SLC25A21: variants seen among roughly 807,000 people sequenced by gnomAD.
SLC25A21 encodes the protein mitochondrial 2-oxodicarboxylate carrier.
In SLC25A21, 47 loss-of-function variants were observed where a neutral mutation model predicts 43.8. The observed-to-expected ratio is 1.07, with a 90% CI of 0.85 to 1.37. SLC25A21 has a LOEUF of 1.37. Among genes scored for constraint, SLC25A21 ranks in the 40% most tolerant of loss-of-function variants. SLC25A21 has a pLI of 0.00. For missense variants in SLC25A21, 352 were observed against 350.2 expected (o/e 1.00, Z -0.04); for synonymous variants, 131 against 121.3 (o/e 1.08, Z -0.52).
intron 1 of SLC25A21, among the ~76,000 whole-genome samples, chr14:36,979,251 A>G (rs1053254751): frequency 3.9e-5 from 6 of 152,144 alleles, no homozygotes; most frequent in Admixed American, 6.5e-5. Context: ...ATTGAAAAAC[A>G]AGTCAGTCAA....
At chr14:37,066,526 A>G (rs200543493) in intron 1 of SLC25A21, among the ~76,000 whole-genome samples, 28 of 152,156 alleles carry the variant, frequency 1.8e-4, no homozygotes, top group East Asian at 1.2e-3. Context: ...ATTAAAATTT[A>G]CCATGCAAAA....
intron 1 of SLC25A21, among the ~76,000 whole-genome samples, chr14:36,954,602 T>C (rs937039880): frequency 1.3e-5 from 2 of 152,158 alleles, no homozygotes; most frequent in Non-Finnish European, 2.9e-5. Context: ...AGTCCAGATC[T>C]ATTGTTCAGC....
At chr14:37,043,594 A>G (rs1235097489) in intron 1 of SLC25A21, among the ~76,000 whole-genome samples, 1 of 152,112 alleles carries the variant, frequency 6.6e-6, no homozygotes, top group Non-Finnish European at 1.5e-5. Flanking sequence ...ACCATCTTGC[A>G]GGAAGCTTGC....
intron 3 of SLC25A21, among the ~76,000 whole-genome samples, chr14:36,741,949 G>C (rs1885283452): frequency 6.6e-6 from 1 of 152,168 alleles, no homozygotes; most frequent in South Asian, 2.1e-4. Context: ...ATTCAGCTCT[G>C]TTCTGGGCAA....
chr14:36,972,227 A>T (rs1285895684), intron 1 of SLC25A21, among the ~76,000 whole-genome samples: 1 of 152,194 alleles, frequency 6.6e-6, no homozygotes, highest in Non-Finnish European at 1.5e-5. Flanking sequence ...GGTGTGTAGT[A>T]AACTATCCCA....
intron 1 of SLC25A21, among the ~76,000 whole-genome samples, chr14:36,971,790 G>A (rs76036926): frequency 6.6e-6 from 1 of 152,112 alleles, no homozygotes; most frequent in Non-Finnish European, 1.5e-5. Context: ...GCCCATTAAT[G>A]TAGAAGTGGT....
At chr14:37,121,693 C>G (rs1486753128) in intron 1 of SLC25A21, among the ~76,000 whole-genome samples, 1 of 151,898 alleles carries the variant, frequency 6.6e-6, no homozygotes, top group East Asian at 1.9e-4. Context: ...GAGGCTGAGG[C>G]AGGAAAAATT....
chr14:36,952,281 ATGAT>A, intron 1 of SLC25A21: 1 of 154,112 alleles, frequency 6.5e-6, no homozygotes, highest in Middle Eastern at 5.3e-4. Context: ...GAATAAATAA[ATGAT>A]TGTCTTCTTT....
At chr14:37,072,432 G>A (rs1962192726) in intron 1 of SLC25A21, among the ~76,000 whole-genome samples, 2 of 152,234 alleles carry the variant, frequency 1.3e-5, no homozygotes, top group East Asian at 1.9e-4. Flanking sequence ...CTTATGTGTG[G>A]GAAGGCTTCT....
At chr14:37,037,325 T>A (rs1409687649) in intron 1 of SLC25A21, among the ~76,000 whole-genome samples, 2 of 152,226 alleles carry the variant, frequency 1.3e-5, no homozygotes, top group African/African-American at 2.4e-5. Context: ...CTCTTCAGTA[T>A]CCACTATTGA....
intron 1 of SLC25A21, among the ~76,000 whole-genome samples, chr14:36,881,923 A>G (rs1249172078): frequency 6.6e-6 from 1 of 152,190 alleles, no homozygotes; most frequent in Non-Finnish European, 1.5e-5. Context: ...AGTTTATTTT[A>G]CTATACACAA....
intron 1 of SLC25A21, among the ~76,000 whole-genome samples, chr14:37,169,058 A>G (rs1964077582): frequency 6.6e-6 from 1 of 152,066 alleles, no homozygotes. Flanking sequence ...TGCAGATCTC[A>G]ACATTAAGTC....
intron 2 of SLC25A21, among the ~76,000 whole-genome samples, chr14:36,841,948 T>C (rs1233153025): frequency 1.3e-5 from 2 of 152,200 alleles, no homozygotes; most frequent in Non-Finnish European, 2.9e-5. Flanking sequence ...ATCTAAATCT[T>C]ATGCAAAGCC....
intron 1 of SLC25A21, among the ~76,000 whole-genome samples, chr14:36,944,247 T>C (rs1197514231): frequency 1.3e-5 from 2 of 152,052 alleles, no homozygotes; most frequent in African/African-American, 2.4e-5. Context: ...GACAAACCCA[T>C]AGCCTGCCAT....
At chr14:37,090,614 C>A (rs1962566876) in intron 1 of SLC25A21, among the ~76,000 whole-genome samples, 1 of 150,964 alleles carries the variant, frequency 6.6e-6, no homozygotes, top group Non-Finnish European at 1.5e-5. Flanking sequence ...AGAAAAGATA[C>A]AGTTAGAAGG....
At chr14:36,754,863 T>G (rs553201854) in intron 3 of SLC25A21, among the ~76,000 whole-genome samples, 4 of 152,222 alleles carry the variant, frequency 2.6e-5, no homozygotes, top group African/African-American at 9.6e-5. Flanking sequence ...GCATTTTCAC[T>G]GCCAGTAGCA....
intron 7 of SLC25A21, among the ~76,000 whole-genome samples, chr14:36,706,199 G>A (rs1883556709): frequency 1.3e-5 from 2 of 152,220 alleles, no homozygotes; most frequent in South Asian, 4.1e-4. Flanking sequence ...GCATACTAAC[G>A]AGCTCCACTA....
In SLC25A21 at chr14:36,880,721, C is replaced by A. The variant is rs143857917; in HGVS notation, c.71-5717G>T. Among the ~76,000 whole-genome samples the A allele has an allele frequency of 3.3e-3, 501 of 152,266 alleles. 1 individual carries two copies. The highest frequency in any genetic ancestry group is 5.6e-3 in the Non-Finnish European group (381 of 68,008). Reference sequence around the variant, plus strand: ...TTAGTTTGAACCTTATATAAATAAGCAGATAAGGACAGAGAAACATTCATA... The same window carrying A: ...TTAGTTTGAACCTTATATAAATAAGAAGATAAGGACAGAGAAACATTCATA... On this transcript the variant is annotated intron_variant, in intron 1 of 9. Transcript: ENST00000331299.
intron 2 of SLC25A21, among the ~76,000 whole-genome samples, chr14:36,863,094 C>G (rs1890118970): frequency 6.6e-6 from 1 of 152,122 alleles, no homozygotes; most frequent in South Asian, 2.1e-4. Flanking sequence ...AATTCACTTT[C>G]CCGTGACAAA....
Sources: allele counts gnomAD v4.1 joint callset (sites outside exome capture counted in the v4.1 genomes callset), GRCh38; gene constraint gnomAD v4.1.1; transcripts MANE v1.5; gene names NCBI Gene and HGNC (gene_info 2026-07-23, HGNC 2026-07-21).